Variants in KIF6 observed in about 807,000 individuals in gnomAD.
The protein encoded by KIF6 is kinesin family member 6.
KIF6 carries 106 observed loss-of-function variants against 112.7 expected under a neutral mutation model. That is an observed-to-expected ratio of 0.94 (90% CI 0.80 to 1.11). The LOEUF (loss-of-function observed/expected upper bound fraction) is 1.11, where lower values mean the gene tolerates loss of function less well. Among genes scored for constraint, KIF6 ranks in the 50% least tolerant of loss-of-function variants. The pLI, the probability that KIF6 is intolerant of heterozygous loss-of-function variation, is 0.00. For synonymous variants in KIF6, 339 were observed against 339.9 expected, an observed-to-expected ratio of 1.00 and a Z score of 0.03; for missense variants, 929 against 964.0, an observed-to-expected ratio of 0.96 and a Z score of 0.48.
At chr6:39,589,994 AG>A (rs982139228) in intron 7 of KIF6, among the ~76,000 whole-genome samples, 3 of 152,356 alleles carry the variant, frequency 2.0e-5, no homozygotes, top group African/African-American at 7.2e-5. Flanking sequence ...AAGATTACTT[AG>A]TATGTCCTAG....
chr6:39,485,923 C>T (rs1271043588), intron 13 of KIF6, among the ~76,000 whole-genome samples: 3 of 152,134 alleles, frequency 2.0e-5, no homozygotes, highest in Admixed American at 6.5e-5. Context: ...TATATATTAT[C>T]CCCATTTCAT....
At chr6:39,577,536 G>A (rs1218843965) in intron 10 of KIF6, among the ~76,000 whole-genome samples, 1 of 152,162 alleles carries the variant, frequency 6.6e-6, no homozygotes, top group South Asian at 2.1e-4. Flanking sequence ...AAATCTAAAG[G>A]CTCTGAAAGA....
chr6:39,346,106 C>CCTCCCT (rs1763749256), intron 20 of KIF6, among the ~76,000 whole-genome samples: 1 of 31,546 alleles, frequency 3.2e-5, no homozygotes, highest in Non-Finnish European at 5.4e-5. Flanking sequence ...TCCCTCCCCC[C>CCTCCCT]CTCCCTCTCC....
At position 39,673,546 on chromosome 6, in the gene KIF6, T is replaced by C. The variant is rs536723623; in HGVS notation, c.252-33789A>G. Among the ~76,000 whole-genome samples, 28 of 152,300 alleles carry C rather than the reference T, an allele frequency of 1.8e-4. No individual in the cohort carries two copies. In the East Asian group the frequency reaches 5.0e-3, roughly 27 times the overall value. On this transcript the variant is annotated intron_variant, in intron 3 of 22. Transcript: ENST00000287152. ...AAAGTTATGATCATGAACAAGTAAA[T>C]TGAGTTTATAACCTACAGGAACATG... is the stretch of plus-strand genomic sequence containing the variant.
chr6:39,356,392 A>G (rs1764691581), intron 19 of KIF6, among the ~76,000 whole-genome samples: 1 of 151,816 alleles, frequency 6.6e-6, no homozygotes, highest in Non-Finnish European at 1.5e-5. Context: ...CAGCCCCCCA[A>G]GTAGCTGGGA....
At chr6:39,437,959 T>C (rs1771650234) in intron 13 of KIF6, among the ~76,000 whole-genome samples, 1 of 147,494 alleles carries the variant, frequency 6.8e-6, no homozygotes, top group African/African-American at 2.6e-5. Flanking sequence ...GTATTTACTA[T>C]ACTTTATTTA....
chr6:39,664,234 C>T (rs1786324237), intron 3 of KIF6, among the ~76,000 whole-genome samples: 1 of 151,986 alleles, frequency 6.6e-6, no homozygotes, highest in Non-Finnish European at 1.5e-5. Flanking sequence ...TAGTAGCGAT[C>T]CCAAAGAAGA....
At chr6:39,567,779 T>TTC (rs1383575129) in intron 10 of KIF6, among the ~76,000 whole-genome samples, 2 of 152,134 alleles carry the variant, frequency 1.3e-5, no homozygotes, top group Non-Finnish European at 2.9e-5. Context: ...GGCTAATTTT[T>TTC]TGTATTTTTA....
At chr6:39,649,150 A>G (rs1785329835) in intron 3 of KIF6, among the ~76,000 whole-genome samples, 1 of 149,204 alleles carries the variant, frequency 6.7e-6, no homozygotes, top group Non-Finnish European at 1.5e-5. Flanking sequence ...CTAAATAAAT[A>G]AGTAAATAAA....
intron 13 of KIF6, among the ~76,000 whole-genome samples, chr6:39,480,392 G>A (rs1774723673): frequency 2.0e-5 from 3 of 152,072 alleles, no homozygotes; most frequent in Admixed American, 2.0e-4. Context: ...TTGCATCCCT[G>A]GTATGAAACC....
At chr6:39,514,202 G>C (rs1314896875) in intron 13 of KIF6, among the ~76,000 whole-genome samples, 6 of 152,130 alleles carry the variant, frequency 3.9e-5, no homozygotes, top group Admixed American at 6.5e-5. Context: ...CACAAGATCG[G>C]ATCTTCCCCT....
At chr6:39,375,753 G>A (rs114264038) in intron 16 of KIF6, among the ~76,000 whole-genome samples, 1 of 152,170 alleles carries the variant, frequency 6.6e-6, no homozygotes, top group Non-Finnish European at 1.5e-5. Flanking sequence ...TCCACACTGA[G>A]TGAGCCAATT....
intron 7 of KIF6, among the ~76,000 whole-genome samples, chr6:39,591,864 G>A (rs1040793327): frequency 6.6e-6 from 1 of 152,180 alleles, no homozygotes; most frequent in African/African-American, 2.4e-5. Context: ...TGTAATCCCA[G>A]CACTTTGGGA....
chr6:39,365,463 C>T (rs1765489813), intron 16 of KIF6, among the ~76,000 whole-genome samples: 1 of 152,162 alleles, frequency 6.6e-6, no homozygotes, highest in Non-Finnish European at 1.5e-5. Context: ...TTAGTGTCTT[C>T]CCCCAGTGCT....
chr6:39,558,416 C>T (rs916177333), intron 10 of KIF6, among the ~76,000 whole-genome samples: 3 of 151,990 alleles, frequency 2.0e-5, no homozygotes, highest in Admixed American at 6.6e-5. Flanking sequence ...GTGGTAGAAC[C>T]CATATAAAAC....
At chr6:39,677,847 A>C (rs1172396983) in intron 3 of KIF6, among the ~76,000 whole-genome samples, 1 of 138,744 alleles carries the variant, frequency 7.2e-6, no homozygotes, top group Non-Finnish European at 1.5e-5. Flanking sequence ...CCATGTCCCT[A>C]CAAAGGATAT....
At chr6:39,442,456 A>G (rs1432411139) in intron 13 of KIF6, among the ~76,000 whole-genome samples, 1 of 152,236 alleles carries the variant, frequency 6.6e-6, no homozygotes, top group African/African-American at 2.4e-5. Flanking sequence ...CAAAGTGCCC[A>G]CATGGGCTGT....
intron 3 of KIF6, among the ~76,000 whole-genome samples, chr6:39,674,663 A>G (rs951292985): frequency 2.0e-5 from 3 of 151,804 alleles, no homozygotes; most frequent in Admixed American, 6.6e-5. Context: ...ATCAATACCC[A>G]CTGACAGGAA....
At chr6:39,537,459 A>G (rs1778508547) in intron 13 of KIF6, among the ~76,000 whole-genome samples, 2 of 152,056 alleles carry the variant, frequency 1.3e-5, no homozygotes, top group Non-Finnish European at 2.9e-5. Context: ...GTGAACTCCC[A>G]TTCACAATTG....
Sources: gnomAD v4.1 joint callset for allele counts (sites outside exome capture counted in the v4.1 genomes callset) on GRCh38, gnomAD v4.1.1 for gene constraint, MANE v1.5 for transcripts, NCBI Gene and HGNC (gene_info 2026-07-23, HGNC 2026-07-21) for gene names.